ZNF724: variants seen among roughly 807,000 people sequenced by gnomAD.
ZNF724 encodes zinc finger protein 724.
A neutral mutation model predicts 29.3 loss-of-function variants in ZNF724; 14 were observed. The observed-to-expected ratio is 0.48, with a 90% confidence interval of 0.32 to 0.75. The LOEUF (loss-of-function observed/expected upper bound fraction) is 0.75. Among genes scored for constraint, ZNF724 ranks in the 30% least tolerant of loss-of-function variants. ZNF724 has a pLI of 0.04. For synonymous variants in ZNF724, 180 were observed against 193.6 expected, an observed-to-expected ratio of 0.93 and a Z score of 0.58; for missense variants, 557 against 571.2, an observed-to-expected ratio of 0.98 and a Z score of 0.25.
At chr19:23,226,820 CA>C (rs1440434179) in intron 3 of ZNF724, among the ~76,000 whole-genome samples, 1 of 151,996 alleles carries the variant, frequency 6.6e-6, no homozygotes, top group African/African-American at 2.4e-5. Flanking sequence ...ACATATAGCT[CA>C]TTTATTTCTT....
rs148500506 is a variant in ZNF724, at chr19:23,228,187, C to G, written c.226+3079G>C. Among the ~76,000 whole-genome samples, 59 of 152,238 alleles carry G rather than the reference C, an allele frequency of 3.9e-4. No individual in the cohort carries two copies. The East Asian group carries it at 0.011, about 27-fold the overall frequency. ...TTTAAAGGCCGAGTGTGGTGGCTCACGCCTGTAATTCCAGCACTTTGGGAG... is the reference window on the plus strand; with the variant it reads ...TTTAAAGGCCGAGTGTGGTGGCTCAGGCCTGTAATTCCAGCACTTTGGGAG... On this transcript the variant is annotated intron_variant, in intron 3 of 3. Coordinates refer to ENST00000418100, the MANE Select transcript of ZNF724 (RefSeq NM_001355404.2).
At position 23,245,517 on chromosome 19, in the gene ZNF724, G is replaced by A. The variant is rs150723078; in HGVS notation, c.3+4723C>T. Among the ~76,000 whole-genome samples the A allele has an allele frequency of 7.3e-3, 1,110 of 152,150 alleles. 6 individuals are homozygous for A. Among genetic ancestry groups the A allele is most frequent in the Non-Finnish European group, 0.012 (809 of 68,014 alleles). ...AGTCCCAGCTACTCAGGAGGCTGAG[G>A]CAAGAGAATGGCGTGAACCCAGGAG... On this transcript the variant is annotated intron_variant, in intron 1 of 3. Coordinates refer to ENST00000418100, the MANE Select transcript of ZNF724 (RefSeq NM_001355404.2).
intron 1 of ZNF724, among the ~76,000 whole-genome samples, chr19:23,242,086 C>G (rs562016208): frequency 6.6e-6 from 1 of 152,250 alleles, no homozygotes; most frequent in African/African-American, 2.4e-5. Context: ...CATCAACATA[C>G]AAGCCAAAAG....
At chr19:23,229,782 T>G (rs1203903508) in intron 3 of ZNF724, among the ~76,000 whole-genome samples, 3 of 116,994 alleles carry the variant, frequency 2.6e-5, no homozygotes, top group Non-Finnish European at 6.0e-5. Flanking sequence ...TGTAACCAGT[T>G]TATAAAAACT....
At chr19:23,245,406 G>A (rs1044649110) in intron 1 of ZNF724, among the ~76,000 whole-genome samples, 5 of 152,274 alleles carry the variant, frequency 3.3e-5, no homozygotes, top group African/African-American at 1.2e-4. Flanking sequence ...GAGGTCAGGA[G>A]ATCGAGACCA....
At chr19:23,250,144 A>G in intron 1 of ZNF724, 96 bp downstream of exon 1, 1 of 554,370 alleles carries the variant, frequency 1.8e-6, no homozygotes, top group Non-Finnish European at 3.7e-6. Context: ...GTTTGTGGAG[A>G]TGACTGCGGG....
chr19:23,224,149 T>C, intron 3 of ZNF724, 131 bp from the exon 4 acceptor site: 1 of 525,410 alleles, frequency 1.9e-6, no homozygotes, highest in Non-Finnish European at 3.3e-6. Flanking sequence ...TGGTAGCTAA[T>C]GCCTGTACTC....
intron 1 of ZNF724, among the ~76,000 whole-genome samples, chr19:23,244,038 CCT>C (rs1972190224): frequency 6.6e-6 from 1 of 151,640 alleles, no homozygotes; most frequent in Non-Finnish European, 1.5e-5. Flanking sequence ...CACAATCTTA[CCT>C]ATGTAATAAA....
At chr19:23,225,140 T>A (rs1413260953) in intron 3 of ZNF724, among the ~76,000 whole-genome samples, 4 of 152,250 alleles carry the variant, frequency 2.6e-5, no homozygotes, top group Non-Finnish European at 2.9e-5. Context: ...TCCCATTTAT[T>A]AATCTATATC....
At chr19:23,229,435 GCCTACACAGAAA>G (rs991911042) in intron 3 of ZNF724, among the ~76,000 whole-genome samples, 5 of 151,150 alleles carry the variant, frequency 3.3e-5, no homozygotes, top group Admixed American at 6.6e-5. Context: ...GGCCAGTTCT[GCCTACACAGAAA>G]CCTACACAGT....
At chr19:23,239,797 C>T (rs770364438) in intron 1 of ZNF724, among the ~76,000 whole-genome samples, 1 of 151,886 alleles carries the variant, frequency 6.6e-6, no homozygotes, top group East Asian at 1.9e-4. Flanking sequence ...GGCAACGCAG[C>T]GAGACTGTTT....
chr19:23,249,513 G>A (rs936100951), intron 1 of ZNF724, among the ~76,000 whole-genome samples: 34 of 151,654 alleles, frequency 2.2e-4, no homozygotes, highest in African/African-American at 7.5e-4. Flanking sequence ...ATTTTTCTGC[G>A]TCAGCCTCCT....
chr19:23,225,636 T>C (rs1971813499), intron 3 of ZNF724, among the ~76,000 whole-genome samples: 1 of 152,030 alleles, frequency 6.6e-6, no homozygotes, highest in Admixed American at 6.6e-5. Flanking sequence ...AAACCACTTG[T>C]AAAATTCTAA....
chr19:23,224,092 A>T, intron 3 of ZNF724, 74 bp from the exon 4 acceptor site: 1 of 587,338 alleles, frequency 1.7e-6, no homozygotes, highest in East Asian at 2.8e-5. Flanking sequence ...TCTAACCTAC[A>T]AAACTATACA....
At position 23,223,244 on chromosome 19, in the gene ZNF724, C is replaced by G. The variant is rs1192663979; in HGVS notation, c.1001G>C (p.Gly334Ala). ...TTCTTCACATTTATAAGGTTTATCA[C>G]CAGTATGAATTCTCTTATGTTTAGT... The part of the protein sequence containing the change: ...NLTKHKRIHT[G>A]DKPYKCEECG... The change falls in exon 4 of 4, where the codon GGT (glycine) becomes GCT (alanine). Residue 334 changes from glycine (G) to alanine (A), a missense_variant. By Grantham distance (60) the Gly-to-Ala change is moderately conservative. Coordinates refer to ENST00000418100, the MANE Select transcript of ZNF724 (RefSeq NM_001355404.2). The G allele has an allele frequency of 7.7e-6, 7 of 906,620 alleles. No individual in the cohort carries two copies. The Admixed American group carries it at 1.1e-4, about 14-fold the overall frequency. The allele number at this position is 906,620 out of a possible 1,614,324, so 56.2% of individuals were successfully genotyped here. A position where few individuals can be genotyped will look rare whatever the true frequency, so the allele number is the denominator to read the frequency against.
chr19:23,227,555 C>CAAAAAAAAAAAAAAAAAAAAAAAA (rs1370441801), intron 3 of ZNF724, among the ~76,000 whole-genome samples: 1 of 76,070 alleles, frequency 1.3e-5, no homozygotes, highest in Admixed American at 2.1e-4. Context: ...GGCTCCATCT[C>CAAAAAAAAAAAAAAAAAAAAAAAA]AAAAAAAAAA....
In ZNF724 at chr19:23,222,372, TG is replaced by T; in HGVS notation, c.*12del. The stretch of plus-strand genomic sequence containing the variant: ...GATTACAGGTGTGAGCCACCACGCC[TG>T]GTCCATTTTTCTTATTTGTCAGATT... On this transcript the variant is annotated 3_prime_UTR_variant, in exon 4 of 4. Coordinates refer to ENST00000418100, the MANE Select transcript of ZNF724 (RefSeq NM_001355404.2). 1 of 1,007,360 alleles carries T rather than the reference TG, an allele frequency of 9.9e-7. No individual in the cohort carries two copies. The highest frequency in any genetic ancestry group is 1.5e-6 in the Non-Finnish European group (1 of 657,272). 62.4% of individuals were successfully genotyped at this position (1,007,360 alleles called of 1,614,324 possible).
chr19:23,222,683 AGTGTCGAGGATT>A lies in ZNF724; in HGVS notation c.1550_1561del (p.Gln517_Thr520del), dbSNP rs765996356. ...AGCATGAATTATCTTATGTCTAGCA[AGTGTCGAGGATT>A]GGTTAAAAGCTTTGCCACATTCTTT... On this transcript the variant is annotated inframe_deletion, in exon 4 of 4. Coordinates refer to ENST00000418100, the MANE Select transcript of ZNF724 (RefSeq NM_001355404.2). The A allele has an allele frequency of 1.4e-6, 2 of 1,381,810 alleles. No homozygotes were observed. Among genetic ancestry groups the A allele is most frequent in the Non-Finnish European group, 2.1e-6 (2 of 971,698 alleles). The allele number at this position is 1,381,810 out of a possible 1,614,324, so 85.6% of individuals were successfully genotyped here. A position where few individuals can be genotyped will look rare whatever the true frequency, so the allele number is the denominator to read the frequency against.
chr19:23,248,350 G>A (rs73561363), intron 1 of ZNF724, among the ~76,000 whole-genome samples: 2,086 of 152,134 alleles, frequency 0.014, 60 homozygotes, highest in African/African-American at 0.047. Flanking sequence ...TTCAGTTCTC[G>A]AGATTGTCAG....
Sources: gnomAD v4.1 joint callset for allele counts (sites outside exome capture counted in the v4.1 genomes callset) on GRCh38, gnomAD v4.1.1 for gene constraint, MANE v1.5 for transcripts, NCBI Gene and HGNC (gene_info 2026-07-23, HGNC 2026-07-21) for gene names.